Variants in DPF3 observed in about 807,000 individuals in gnomAD.
DPF3 encodes zinc finger protein DPF3.
Under a neutral mutation model 56.8 loss-of-function variants are expected in DPF3, and 18 were observed. The observed-to-expected ratio is 0.32, with a 90% confidence interval of 0.22 to 0.47. The LOEUF is 0.47. Ranked by LOEUF, DPF3 falls within the 20% of genes least tolerant of loss-of-function variation. The probability of loss-of-function intolerance (pLI) is 1.00; values close to 1 mark genes in which losing one functional copy is unlikely to be tolerated. For synonymous variants in DPF3, 188 were observed against 180.2 expected (o/e 1.04, Z -0.35); for missense variants, 403 against 488.8 (o/e 0.82, Z 1.65).
intron 5 of DPF3, among the ~76,000 whole-genome samples, chr14:72,717,772 A>C (rs773271704): frequency 6.6e-6 from 1 of 152,210 alleles, no homozygotes; most frequent in Non-Finnish European, 1.5e-5. Flanking sequence ...CAGCAGAAGG[A>C]GCAGGACCTA....
intron 1 of DPF3, among the ~76,000 whole-genome samples, chr14:72,841,407 A>C (rs1044219438): frequency 3.9e-5 from 6 of 152,198 alleles, no homozygotes; most frequent in African/African-American, 1.4e-4. Context: ...TATAATTGAA[A>C]TTATAAGAAG....
chr14:72,728,357 G>A (rs1889495146), intron 4 of DPF3, among the ~76,000 whole-genome samples: 1 of 152,080 alleles, frequency 6.6e-6, no homozygotes, highest in Admixed American at 6.5e-5. Flanking sequence ...AGTGAGATTT[G>A]TACACATGGA....
intron 1 of DPF3, among the ~76,000 whole-genome samples, chr14:72,884,739 A>G (rs534375059): frequency 6.6e-6 from 1 of 151,136 alleles, no homozygotes. Flanking sequence ...TGCTAGTGCT[A>G]CAGCCCCTGG....
intron 8 of DPF3, among the ~76,000 whole-genome samples, chr14:72,650,857 A>G (rs1046921777): frequency 6.6e-6 from 1 of 152,270 alleles, no homozygotes; most frequent in Non-Finnish European, 1.5e-5. Flanking sequence ...TCCTCCACAG[A>G]CACCCGGGAA....
At chr14:72,626,531 G>C (rs1026611576) in intron 9 of DPF3, among the ~76,000 whole-genome samples, 4 of 152,018 alleles carry the variant, frequency 2.6e-5, no homozygotes, top group Admixed American at 2.0e-4. Context: ...TTTTACAGCT[G>C]TATAGTACTC....
At chr14:72,835,572 TGCA>T (rs948307811) in intron 1 of DPF3, among the ~76,000 whole-genome samples, 20 of 152,288 alleles carry the variant, frequency 1.3e-4, no homozygotes, top group African/African-American at 4.6e-4. Context: ...TTCTCCAGCT[TGCA>T]GCAGGAGCTC....
At chr14:72,715,328 C>T (rs1366167243) in intron 5 of DPF3, among the ~76,000 whole-genome samples, 2 of 152,158 alleles carry the variant, frequency 1.3e-5, no homozygotes, top group Admixed American at 6.5e-5. Context: ...AGCCCCAGGG[C>T]GGTGGTGACA....
intron 3 of DPF3, among the ~76,000 whole-genome samples, chr14:72,732,135 T>C (rs1297423614): frequency 6.6e-6 from 1 of 152,154 alleles, no homozygotes; most frequent in Non-Finnish European, 1.5e-5. Context: ...ATTCCGACCA[T>C]GCCCACACCC....
intron 8 of DPF3, among the ~76,000 whole-genome samples, chr14:72,660,172 A>G (rs1258028934): frequency 6.6e-6 from 1 of 152,144 alleles, no homozygotes; most frequent in African/African-American, 2.4e-5. Flanking sequence ...ACAGAACTAT[A>G]TCTTAAAAGC....
intron 1 of DPF3, among the ~76,000 whole-genome samples, chr14:72,854,698 CT>C (rs1434516320): frequency 6.6e-6 from 1 of 152,158 alleles, no homozygotes; most frequent in East Asian, 1.9e-4. Context: ...TCCTGGGTCT[CT>C]TGAACTCCTA....
intron 2 of DPF3, among the ~76,000 whole-genome samples, chr14:72,756,618 G>A (rs111302586): frequency 0.076 from 11,584 of 152,058 alleles, 634 homozygotes; most frequent in South Asian, 0.17. Context: ...TTCAAGACCA[G>A]CCTGGCCAAC....
intron 1 of DPF3, among the ~76,000 whole-genome samples, chr14:72,781,716 G>A (rs1891981728): frequency 6.6e-6 from 1 of 151,942 alleles, no homozygotes; most frequent in Non-Finnish European, 1.5e-5. Context: ...ATGGTGGGGT[G>A]GCGGGGGAGG....
rs1225132318 is a variant in DPF3, at chr14:72,756,965, GGGA to G, written c.194-3597_194-3595del. Among the ~76,000 whole-genome samples the G allele has an allele frequency of 3.5e-3, 452 of 129,120 alleles. 2 individuals are homozygous for G. The highest frequency in any genetic ancestry group is 8.1e-3 in the South Asian group (30 of 3,684). 84.7% of individuals were successfully genotyped at this position (129,120 alleles called of 152,430 possible). On this transcript the variant is annotated intron_variant, in intron 2 of 10. Coordinates refer to ENST00000556509, the MANE Select transcript of DPF3 (RefSeq NM_001280542.3). Reference sequence around the variant, plus strand: ...GAAGAGAAAGGGAGAGGGAAAGAGGGGGAGAGAGGGAAAGAGGGGGAGAAGGGG... The same window carrying G: ...GAAGAGAAAGGGAGAGGGAAAGAGGGGAGAGGGAAAGAGGGGGAGAAGGGG...
intron 3 of DPF3, among the ~76,000 whole-genome samples, chr14:72,734,796 A>G (rs1393364489): frequency 6.6e-6 from 1 of 152,212 alleles, no homozygotes; most frequent in African/African-American, 2.4e-5. Context: ...CACTGAAATC[A>G]CGACAATGGC....
intron 1 of DPF3, among the ~76,000 whole-genome samples, chr14:72,884,971 T>TGTATATATATATATATATATATA (rs10523148): frequency 6.3e-5 from 7 of 111,680 alleles, no homozygotes; most frequent in South Asian, 6.0e-4. Context: ...TATATATATA[T>TGTATATATATATATATATATATA]TAGCCGGGCG....
chr14:72,778,643 G>A (rs1201587851), intron 1 of DPF3, among the ~76,000 whole-genome samples: 1 of 152,138 alleles, frequency 6.6e-6, no homozygotes, highest in Non-Finnish European at 1.5e-5. Context: ...CATGAAACCA[G>A]TCCCTGGTGC....
At chr14:72,770,444 T>C (rs1183762312) in intron 2 of DPF3, among the ~76,000 whole-genome samples, 1 of 152,254 alleles carries the variant, frequency 6.6e-6, no homozygotes, top group Non-Finnish European at 1.5e-5. Flanking sequence ...AAATGAATGT[T>C]GGCCAAATAT....
intron 2 of DPF3, among the ~76,000 whole-genome samples, chr14:72,756,551 G>C (rs912991054): frequency 1.3e-5 from 2 of 152,092 alleles, no homozygotes; most frequent in South Asian, 4.1e-4. Context: ...AGTGGCTGAC[G>C]TCTGTAATCC....
intron 2 of DPF3, among the ~76,000 whole-genome samples, chr14:72,764,693 G>A (rs139617238): frequency 7.9e-5 from 12 of 151,858 alleles, no homozygotes; most frequent in African/African-American, 1.7e-4. Flanking sequence ...GGGTTTCACC[G>A]TGTTAGCCAG....
Sources: allele counts gnomAD v4.1 joint callset (sites outside exome capture counted in the v4.1 genomes callset), GRCh38; gene constraint gnomAD v4.1.1; transcripts MANE v1.5; gene names NCBI Gene and HGNC (gene_info 2026-07-23, HGNC 2026-07-21).